RGS6: variants seen among roughly 807,000 people sequenced by gnomAD.
RGS6 encodes the protein regulator of G-protein signaling 6.
A neutral mutation model predicts 78.5 loss-of-function variants in RGS6; 30 were observed. That is an observed-to-expected ratio of 0.38 (90% CI 0.29 to 0.52). The LOEUF (loss-of-function observed/expected upper bound fraction) is 0.52. Among genes scored for constraint, RGS6 ranks in the 20% least tolerant of loss-of-function variants. The pLI is 0.85. For missense variants in RGS6, 495 were observed against 609.7 expected, an observed-to-expected ratio of 0.81 and a Z score of 1.98; for synonymous variants, 206 against 206.0, an observed-to-expected ratio of 1.00 and a Z score of 0.00.
chr14:72,510,035 A>G, intron 13 of RGS6, 119 bp from the exon 14 acceptor site: 1 of 1,172,442 alleles, frequency 8.5e-7, no homozygotes, highest in South Asian at 1.6e-5. Flanking sequence ...TGCCCCTTAA[A>G]TATGAGATGT....
intron 2 of RGS6, among the ~76,000 whole-genome samples, chr14:72,231,285 A>G (rs1177763228): frequency 6.7e-6 from 1 of 149,354 alleles, no homozygotes; most frequent in Non-Finnish European, 1.5e-5. Flanking sequence ...ATTTTAAATT[A>G]TTATCATTGT....
At chr14:71,935,135 TACAC>T (rs2088842773) in intron 1 of RGS6, among the ~76,000 whole-genome samples, 2 of 152,336 alleles carry the variant, frequency 1.3e-5, no homozygotes, top group African/African-American at 4.8e-5. Context: ...ATAATTACTA[TACAC>T]ACACTATCCT....
At chr14:72,136,449 A>G (rs2096443128) in intron 2 of RGS6, among the ~76,000 whole-genome samples, 1 of 152,212 alleles carries the variant, frequency 6.6e-6, no homozygotes. Context: ...ACAGTTCCAC[A>G]TGGCTGGGGA....
intron 3 of RGS6, among the ~76,000 whole-genome samples, chr14:72,357,114 T>C (rs1245527212): frequency 6.6e-6 from 1 of 151,816 alleles, no homozygotes; most frequent in Non-Finnish European, 1.5e-5. Flanking sequence ...CTACTAAAAG[T>C]ACAAAAATTA....
intron 2 of RGS6, among the ~76,000 whole-genome samples, chr14:72,052,767 G>GT (rs1337844023): frequency 6.6e-6 from 1 of 152,120 alleles, no homozygotes; most frequent in Non-Finnish European, 1.5e-5. Flanking sequence ...AAGTAAGGAA[G>GT]TGGAGGCATT....
intron 2 of RGS6, among the ~76,000 whole-genome samples, chr14:72,049,744 G>A (rs1039120288): frequency 1.3e-5 from 2 of 152,140 alleles, no homozygotes; most frequent in Non-Finnish European, 2.9e-5. Context: ...ATTGATTTCT[G>A]TTCTTGAAAC....
intron 2 of RGS6, among the ~76,000 whole-genome samples, chr14:72,002,685 C>A (rs2083712875): frequency 6.6e-6 from 1 of 152,152 alleles, no homozygotes; most frequent in African/African-American, 2.4e-5. Context: ...ATGTGAAGTA[C>A]TTTATAAATC....
the RGS6 span, among the ~76,000 whole-genome samples, chr14:72,585,855 A>G: frequency 6.6e-6 from 1 of 152,080 alleles, no homozygotes; most frequent in African/African-American, 2.4e-5. Context: ...TCTCCTTCCA[A>G]TATTGCCACT....
At chr14:72,550,416 A>T in intron 17 of RGS6, 1 of 1,503,548 alleles carries the variant, frequency 6.7e-7, no homozygotes, top group Non-Finnish European at 8.9e-7. Context: ...TTTTGTTTGC[A>T]CTAAGCACCA....
the RGS6 span, among the ~76,000 whole-genome samples, chr14:71,926,113 C>A: frequency 0.081 from 12,370 of 152,186 alleles, 680 homozygotes; most frequent in Admixed American, 0.12. Context: ...AGATTCAGCA[C>A]AATCACTATC....
At chr14:72,114,259 CGTCT>C (rs1464003837) in intron 2 of RGS6, among the ~76,000 whole-genome samples, 1 of 152,142 alleles carries the variant, frequency 6.6e-6, no homozygotes, top group Admixed American at 6.6e-5. Context: ...TATCTTCTCC[CGTCT>C]GTCAATGATG....
chr14:72,182,656 A>C (rs1049512957), intron 2 of RGS6, among the ~76,000 whole-genome samples: 2 of 152,174 alleles, frequency 1.3e-5, no homozygotes, highest in African/African-American at 4.8e-5. Flanking sequence ...GGTTCACATG[A>C]GAGCAAATGA....
chr14:72,250,504 A>G (rs2055470628), intron 2 of RGS6, among the ~76,000 whole-genome samples: 1 of 152,148 alleles, frequency 6.6e-6, no homozygotes, highest in Non-Finnish European at 1.5e-5. Flanking sequence ...AAAATAAATC[A>G]TAGTATCTGA....
chr14:72,277,120 A>G (rs954798217), intron 2 of RGS6, among the ~76,000 whole-genome samples: 4 of 152,168 alleles, frequency 2.6e-5, no homozygotes, highest in African/African-American at 7.2e-5. Flanking sequence ...CTTTCTCTCA[A>G]CACTGCAAGT....
chr14:71,895,182 GT>G, the RGS6 span, among the ~76,000 whole-genome samples: 1 of 152,048 alleles, frequency 6.6e-6, no homozygotes, highest in African/African-American at 2.4e-5. Context: ...CTATTAGACT[GT>G]TTTTTGTTTG....
At chr14:72,195,746 G>C (rs745632925) in intron 2 of RGS6, among the ~76,000 whole-genome samples, 1 of 152,190 alleles carries the variant, frequency 6.6e-6, no homozygotes, top group African/African-American at 2.4e-5. Context: ...GCTATTTGAC[G>C]GTGGTGTGTA....
intron 17 of RGS6, chr14:72,540,550 G>T: frequency 6.4e-7 from 1 of 1,565,406 alleles, no homozygotes; most frequent in Non-Finnish European, 8.6e-7. Context: ...GCCGGTGTGG[G>T]TCGCGAGCTA....
At chr14:72,443,549 C>CCCTT (rs2095273099) in intron 3 of RGS6, among the ~76,000 whole-genome samples, 2 of 152,142 alleles carry the variant, frequency 1.3e-5, no homozygotes, top group African/African-American at 4.8e-5. Flanking sequence ...GAAAGATGAC[C>CCCTT]CCTTGCCTCT....
chr14:71,932,879 G>A lies in RGS6; in HGVS notation c.-83G>A, dbSNP rs2152923295. The A allele has an allele frequency of 6.6e-6, 1 of 152,402 alleles. No homozygotes were observed. The highest frequency in any genetic ancestry group is 2.1e-4 in the South Asian group (1 of 4,830). 9.4% of individuals were successfully genotyped at this position (152,402 alleles called of 1,614,324 possible). A position where few individuals can be genotyped will look rare whatever the true frequency, so the allele number is the denominator to read the frequency against. ...CAGCTTTATCATGAACCTGGCGCAA[G>A]GTTGGCTTTAGGAAAAATTCTGGAG... On this transcript the variant is annotated 5_prime_UTR_variant, in exon 1 of 18. Transcript: ENST00000553525.
Sources: allele counts gnomAD v4.1 joint callset (sites outside exome capture counted in the v4.1 genomes callset), GRCh38; gene constraint gnomAD v4.1.1; transcripts MANE v1.5; gene names NCBI Gene and HGNC (gene_info 2026-07-23, HGNC 2026-07-21).